Variants in AZIN2 observed in about 807,000 individuals in gnomAD.
AZIN2 encodes ODC antizyme inhibitor-2.
A neutral mutation model predicts 47.8 loss-of-function variants in AZIN2; 28 were observed. That is an observed-to-expected ratio of 0.59 (90% CI 0.43 to 0.80). The LOEUF is 0.80. Ranked by LOEUF, AZIN2 falls within the 30% of genes least tolerant of loss-of-function variation. The pLI, the probability that AZIN2 is intolerant of heterozygous loss-of-function variation, is 0.00. For synonymous variants in AZIN2, 221 were observed against 239.4 expected (o/e 0.92, Z 0.71); for missense variants, 535 against 582.5 (o/e 0.92, Z 0.84).
At chr1:33,092,793 G>T (rs1013356313) in intron 6 of AZIN2, among the ~76,000 whole-genome samples, 6 of 152,262 alleles carry the variant, frequency 3.9e-5, no homozygotes, top group African/African-American at 1.4e-4. Context: ...CTTTCGAAGG[G>T]GTCAGGGCTG....
the AZIN2 span, among the ~76,000 whole-genome samples, chr1:33,134,126 G>A: frequency 6.6e-6 from 1 of 152,206 alleles, no homozygotes; most frequent in Non-Finnish European, 1.5e-5. Context: ...AGCATGCTCT[G>A]AACACTTACC....
In AZIN2 at chr1:33,093,264, C is replaced by T. The variant is rs766042822; in HGVS notation, c.453-18C>T. ...CGACAGGGTTTGTCCAGCAGAGGGG[C>T]ACTGCGTGTCTCATCAGGATGGTTC... On this transcript the variant is annotated intron_variant, in intron 6 of 11. Transcript: ENST00000294517. The T allele has an allele frequency of 6.2e-6, 10 of 1,612,924 alleles. No homozygotes were observed. The highest frequency in any genetic ancestry group is 1.3e-5 in the African/African-American group (1 of 74,860).
chr1:33,096,354 T>C (rs773983462), intron 8 of AZIN2, among the ~76,000 whole-genome samples: 12 of 152,192 alleles, frequency 7.9e-5, no homozygotes, highest in Non-Finnish European at 1.6e-4. Flanking sequence ...GGTTCAAACC[T>C]GTGTTGTTTA....
At chr1:33,085,369 T>G (rs1641773635) in intron 5 of AZIN2, among the ~76,000 whole-genome samples, 1 of 152,182 alleles carries the variant, frequency 6.6e-6, no homozygotes, top group East Asian at 1.9e-4. Context: ...CAGGGAATGG[T>G]TCACTGAGAT....
rs773085288 is a variant in AZIN2, at chr1:33,118,001, C to T, written c.1129C>T (p.His377Tyr). Reference protein sequence around the residue: ...VAEGLWLPQLHVGDWLVFDNM... With the variant: ...VAEGLWLPQLYVGDWLVFDNM... ...TGAGGGCCTGTGGCTGCCGCAACTA[C>T]ACGTAGGGGACTGGCTGGTCTTTGA... Residue 377 changes from histidine (H) to tyrosine (Y), a missense_variant, in exon 11 of 12, where the codon CAC (histidine) becomes TAC (tyrosine). By Grantham distance (83) the His-to-Tyr change is moderately conservative. Around this residue, in one of 3 missense-constraint regions of AZIN2, gnomAD observed 122 missense variants for 135.8 expected, o/e 0.90. Coordinates refer to ENST00000294517, the MANE Select transcript of AZIN2 (RefSeq NM_052998.4). The T allele has an allele frequency of 2.0e-5, 32 of 1,606,070 alleles. No individual in the cohort carries two copies. The highest frequency in any genetic ancestry group is 2.6e-5 in the Non-Finnish European group (31 of 1,176,150).
At chr1:33,134,162 C>T in the AZIN2 span, among the ~76,000 whole-genome samples, 2 of 152,218 alleles carry the variant, frequency 1.3e-5, no homozygotes, top group Non-Finnish European at 2.9e-5. Context: ...GGCCCAGCCC[C>T]GTAAGACACC....
chr1:33,158,335 T>C, the AZIN2 span: 1 of 1,613,894 alleles, frequency 6.2e-7, no homozygotes, highest in African/African-American at 1.3e-5. Context: ...AGTCTTCATA[T>C]GTGAGGTTGG....
At chr1:33,091,326 G>A (rs1015383557) in intron 5 of AZIN2, among the ~76,000 whole-genome samples, 2 of 152,062 alleles carry the variant, frequency 1.3e-5, no homozygotes, top group Non-Finnish European at 1.5e-5. Flanking sequence ...TCCAGCCTCC[G>A]CCTCCTGGGT....
rs534368064 is a variant in AZIN2 at position 33,098,921 on chromosome 1, G to A, written c.1029+742G>A. Among the ~76,000 whole-genome samples the A allele has an allele frequency of 4.3e-4, 65 of 152,090 alleles. 1 individual carries two copies. Among genetic ancestry groups the A allele is most frequent in the African/African-American group, 1.5e-3 (61 of 41,484 alleles). On this transcript the variant is annotated intron_variant, in intron 10 of 11. Transcript: ENST00000294517. The stretch of plus-strand genomic sequence containing the variant: ...TGGGACTATAGGCACCCGCCACCAT[G>A]CCTGGCTAATTTTTGTATTTTTAGT...
chr1:33,155,216 C>T, the AZIN2 span, among the ~76,000 whole-genome samples: 2 of 151,574 alleles, frequency 1.3e-5, no homozygotes, highest in African/African-American at 2.4e-5. Context: ...GGATTACAGG[C>T]GTGTACCACC....
chr1:33,125,783 C>A (rs1644852318), downstream of AZIN2, among the ~76,000 whole-genome samples: 1 of 152,142 alleles, frequency 6.6e-6, no homozygotes, highest in African/African-American at 2.4e-5. Context: ...GACACACTTA[C>A]AACCCCAAAT....
chr1:33,117,814 T>C (rs1197187163), intron 10 of AZIN2, 88 bp from the exon 11 acceptor site: 34 of 1,409,862 alleles, frequency 2.4e-5, no homozygotes, highest in Non-Finnish European at 3.2e-5. Context: ...CTGTTGGCTA[T>C]GGGAGCCATA....
the AZIN2 span, among the ~76,000 whole-genome samples, chr1:33,130,565 C>A: frequency 6.6e-6 from 1 of 152,196 alleles, no homozygotes; most frequent in African/African-American, 2.4e-5. Flanking sequence ...CTCCCCCAGG[C>A]AAGCCTTAGA....
intron 5 of AZIN2, 78 bp from the exon 6 acceptor site, chr1:33,091,972 C>A: frequency 1.3e-6 from 2 of 1,516,018 alleles, no homozygotes; most frequent in Non-Finnish European, 1.8e-6. Context: ...TATGACTTTG[C>A]CCTCATCTGT....
chr1:33,102,797 A>G (rs759100356), intron 10 of AZIN2, among the ~76,000 whole-genome samples: 2 of 151,998 alleles, frequency 1.3e-5, no homozygotes, highest in African/African-American at 2.4e-5. Flanking sequence ...TGCACATCCA[A>G]CTACCCGCTT....
intron 9 of AZIN2, 25 bp from the exon 10 acceptor site, chr1:33,098,042 G>A: frequency 6.4e-7 from 1 of 1,573,362 alleles, no homozygotes; most frequent in Non-Finnish European, 8.7e-7. Context: ...TACTTGTGCT[G>A]CCTCTGAACC....
At chr1:33,126,979 TC>T (rs1245759466), downstream of AZIN2, among the ~76,000 whole-genome samples, 1 of 152,210 alleles carries the variant, frequency 6.6e-6, no homozygotes, top group Non-Finnish European at 1.5e-5. Flanking sequence ...ACGCTGCATG[TC>T]CCTCTCTGGG....
chr1:33,116,398 G>A (rs1407046889), intron 10 of AZIN2, among the ~76,000 whole-genome samples: 1 of 152,036 alleles, frequency 6.6e-6, no homozygotes, highest in Admixed American at 6.6e-5. Context: ...GTATTGAAAC[G>A]CCTTTCCTTT....
chr1:33,153,015 A>G, the AZIN2 span, among the ~76,000 whole-genome samples: 1,892 of 123,650 alleles, frequency 0.015, 36 homozygotes, highest in African/African-American at 0.054. Context: ...AGAGCTTCCT[A>G]ATGTTAGGCT....
Sources: allele counts gnomAD v4.1 joint callset (sites outside exome capture counted in the v4.1 genomes callset), GRCh38; gene constraint gnomAD v4.1.1; regional missense constraint gnomAD v4.1.1; transcripts MANE v1.5; gene names NCBI Gene and HGNC (gene_info 2026-07-23, HGNC 2026-07-21).